SMTNL1: variants seen among roughly 807,000 people sequenced by gnomAD.
SMTNL1 encodes smoothelin-like protein 1.
SMTNL1 carries 41 observed loss-of-function variants against 46.6 expected under a neutral mutation model. The ratio of observed to expected loss-of-function variants is 0.88; its 90% confidence interval spans 0.69 to 1.14. The LOEUF is 1.14. Among genes scored for constraint, SMTNL1 ranks in the 50% most tolerant of loss-of-function variants. SMTNL1 has a pLI of 0.00. For synonymous variants in SMTNL1, 234 were observed against 234.2 expected, an observed-to-expected ratio of 1.00 and a Z score of 0.01; for missense variants, 591 against 626.1, an observed-to-expected ratio of 0.94 and a Z score of 0.60.
At position 57,550,086 on chromosome 11, in the gene SMTNL1, G is replaced by A. The variant is rs1160545862; in HGVS notation, c.1459G>A (p.Gly487Arg). ...QELYRSLVQK[G>R]LVKTKKK The stretch of plus-strand genomic sequence containing the variant: ...ACTGTACCGCAGCCTTGTGCAGAAA[G>A]GACTGGTGAAGACCAAGAAGAAGTG... The change falls in exon 8 of 8, where the codon GGA becomes AGA. Residue 487 changes from glycine to arginine, a missense_variant. Coordinates refer to ENST00000527972, the MANE Select transcript of SMTNL1 (RefSeq NM_001105565.3). 2 of 1,613,442 alleles carry A rather than the reference G, an allele frequency of 1.2e-6. No individual in the cohort carries two copies. Among genetic ancestry groups the A allele is most frequent in the Non-Finnish European group, 1.7e-6 (2 of 1,179,732 alleles).
intron 1 of SMTNL1, chr11:57,541,360 T>A: frequency 2.2e-6 from 1 of 455,782 alleles, no homozygotes; most frequent in South Asian, 2.4e-5. Context: ...ATTTGGGGAT[T>A]GTTTTCTTTG....
intron 1 of SMTNL1, chr11:57,541,504 C>T: frequency 7.3e-7 from 1 of 1,367,350 alleles, no homozygotes. Flanking sequence ...TAATCTACCC[C>T]CATGCTCCCG....
chr11:57,542,590 A>T (rs1944887810), intron 1 of SMTNL1, 51 bp from the exon 2 acceptor site: 2 of 1,535,076 alleles, frequency 1.3e-6, no homozygotes, highest in East Asian at 4.5e-5. Context: ...TGGGGTCTTC[A>T]CCTCATGCTG....
At chr11:57,545,549 G>A (rs1274437607) in intron 4 of SMTNL1, among the ~76,000 whole-genome samples, 1 of 150,902 alleles carries the variant, frequency 6.6e-6, no homozygotes, top group Non-Finnish European at 1.5e-5. Flanking sequence ...AGGTTGCAAT[G>A]AGCCAAGATC....
chr11:57,547,603 C>T (rs1944931445), intron 7 of SMTNL1, among the ~76,000 whole-genome samples: 1 of 151,964 alleles, frequency 6.6e-6, no homozygotes, highest in Non-Finnish European at 1.5e-5. Context: ...CAGAACTCTC[C>T]TCCGATTCCC....
intron 1 of SMTNL1, among the ~76,000 whole-genome samples, chr11:57,539,257 T>G (rs939992560): frequency 4.6e-5 from 7 of 152,164 alleles, no homozygotes; most frequent in Non-Finnish European, 1.0e-4. Context: ...CTCAGGAGGC[T>G]GAGGTGGGAA....
intron 7 of SMTNL1, 69 bp from the exon 8 acceptor site, chr11:57,549,899 C>G: frequency 6.4e-7 from 1 of 1,566,846 alleles, no homozygotes; most frequent in Non-Finnish European, 8.7e-7. Flanking sequence ...GGGCTGCCTG[C>G]ACCCATCCCC....
At chr11:57,540,469 T>C (rs1051438718) in intron 1 of SMTNL1, among the ~76,000 whole-genome samples, 1 of 152,156 alleles carries the variant, frequency 6.6e-6, no homozygotes, top group African/African-American at 2.4e-5. Flanking sequence ...AGAATATCCT[T>C]TCTCCCAACC....
chr11:57,546,309 C>T lies in SMTNL1; in HGVS notation c.1150C>T (p.Leu384Phe). 2 of 1,611,080 alleles carry T rather than the reference C, an allele frequency of 1.2e-6. No homozygotes were observed. The highest frequency in any genetic ancestry group is 1.7e-6 in the Non-Finnish European group (2 of 1,178,814). The change falls in exon 6 of 8, where the codon CTC becomes TTC. Residue 384 changes from leucine to phenylalanine, a missense_variant. By Grantham distance (22) the Leu-to-Phe change is conservative. Coordinates refer to ENST00000527972, the MANE Select transcript of SMTNL1 (RefSeq NM_001105565.3). ...GAAIGGVKNM[L>F]LEWCRAMTKK... ...AGCCATTGGTGGTGTCAAGAACATGCTCTTGGAGTGGTGCCGAGCCATGAC... is the reference window on the plus strand; with the variant it reads ...AGCCATTGGTGGTGTCAAGAACATGTTCTTGGAGTGGTGCCGAGCCATGAC...
chr11:57,544,989 A>G (rs1944910788), intron 4 of SMTNL1, among the ~76,000 whole-genome samples: 1 of 152,012 alleles, frequency 6.6e-6, no homozygotes, highest in Non-Finnish European at 1.5e-5. Context: ...TGTGCGCGCC[A>G]CCACGCCTGG....
rs777006052 is a variant in SMTNL1, at chr11:57,543,255, G to T, written c.613G>T (p.Ala205Ser). The T allele has an allele frequency of 5.0e-6, 8 of 1,613,986 alleles. No homozygotes were observed. Among genetic ancestry groups the T allele is most frequent in the Non-Finnish European group, 6.8e-6 (8 of 1,179,900 alleles). ...AGAGGCCAAGGCTGAATCGCAGAAG[G>T]CTGTTGTGGAGGATGAGGCTAAGGC... ...DEEAKAESQK[A>S]VVEDEAKAEP... Residue 205 changes from alanine (A) to serine (S), a missense_variant, in exon 2 of 8, where the codon GCT (alanine) becomes TCT (serine). Ala to Ser is a moderately conservative substitution (Grantham distance 99). Coordinates refer to ENST00000527972, the MANE Select transcript of SMTNL1 (RefSeq NM_001105565.3).
intron 1 of SMTNL1, among the ~76,000 whole-genome samples, chr11:57,541,958 T>G (rs1027489261): frequency 2.0e-5 from 3 of 152,002 alleles, no homozygotes; most frequent in Non-Finnish European, 4.4e-5. Flanking sequence ...AATTGTTCCA[T>G]AGGTGTTCTA....
rs750524737 is a variant in SMTNL1, at chr11:57,543,270, G to A, written c.628G>A (p.Glu210Lys). The A allele has an allele frequency of 6.2e-7, 1 of 1,613,984 alleles. No individual in the cohort carries two copies. The highest frequency in any genetic ancestry group is 1.3e-5 in the African/African-American group (1 of 75,046). The change falls in exon 2 of 8, where the codon GAG becomes AAG. Residue 210 changes from glutamate to lysine, a missense_variant. Glu to Lys is a moderately conservative substitution (Grantham distance 56). Coordinates refer to ENST00000527972, the MANE Select transcript of SMTNL1 (RefSeq NM_001105565.3). The part of the protein sequence containing the change: ...AESQKAVVED[E>K]AKAEPKEPDG... ...ATCGCAGAAGGCTGTTGTGGAGGAT[G>A]AGGCTAAGGCTGAACCCAAGGAGCC...
rs761087610 is a variant in SMTNL1, at chr11:57,546,508, A to G, written c.1196A>G (p.Asp399Gly). The change falls in exon 7 of 8, where the codon GAC becomes GGC. Residue 399 changes from aspartate to glycine, a missense_variant. By Grantham distance (94) the Asp-to-Gly change is moderately conservative. Coordinates refer to ENST00000527972, the MANE Select transcript of SMTNL1 (RefSeq NM_001105565.3). The stretch of plus-strand genomic sequence containing the variant: ...GTGCCCTGCCTGCCATAGCATGTGG[A>G]CATCCAGAACTTCTCCTCCAGCTGG... The part of the protein sequence containing the change: ...RAMTKKYEHV[D>G]IQNFSSSWSS... The G allele has an allele frequency of 4.3e-6, 7 of 1,614,164 alleles. No individual in the cohort carries two copies. In the South Asian group the frequency reaches 7.7e-5, roughly 18 times the overall value.
At chr11:57,543,527 G>A (rs1026881784) in intron 2 of SMTNL1, 97 bp from the exon 3 acceptor site, 93 of 1,530,216 alleles carry the variant, frequency 6.1e-5, no homozygotes, top group East Asian at 4.5e-4. Flanking sequence ...GTGCAGCACC[G>A]TAGTCCCAGG....
At chr11:57,545,811 CAG>C in intron 4 of SMTNL1, 68 bp from the exon 5 acceptor site, 11 of 1,433,008 alleles carry the variant, frequency 7.7e-6, no homozygotes, top group Non-Finnish European at 1.0e-5. Flanking sequence ...TCCAGCCCCA[CAG>C]CCCCCTCCCT....
At chr11:57,544,837 C>T (rs1052858147) in intron 4 of SMTNL1, among the ~76,000 whole-genome samples, 33 of 122,920 alleles carry the variant, frequency 2.7e-4, no homozygotes, top group Non-Finnish European at 8.8e-5. Context: ...GTCCTCCCCC[C>T]ATTTTTTTTT....
intron 7 of SMTNL1, among the ~76,000 whole-genome samples, chr11:57,548,549 A>G (rs2135268087): frequency 6.6e-6 from 1 of 152,282 alleles, no homozygotes; most frequent in African/African-American, 2.4e-5. Flanking sequence ...ACACACCTGT[A>G]ATCCCAGCTA....
At chr11:57,546,767 C>T (rs1416388208) in intron 7 of SMTNL1, 115 bp downstream of exon 7, 1 of 1,311,010 alleles carries the variant, frequency 7.6e-7, no homozygotes, top group East Asian at 2.5e-5. Context: ...ATTCATGTAT[C>T]CAACAGACAT....
Sources: gnomAD v4.1 joint callset for allele counts (sites outside exome capture counted in the v4.1 genomes callset) on GRCh38, gnomAD v4.1.1 for gene constraint, MANE v1.5 for transcripts, NCBI Gene and HGNC (gene_info 2026-07-23, HGNC 2026-07-21) for gene names.